The following EPHB1 variants were observed in gnomAD, a reference collection of about 807,000 sequenced individuals.
EPHB1 encodes EPH receptor B1.
EPHB1 carries 30 observed loss-of-function variants against 94.4 expected under a neutral mutation model. That is an observed-to-expected ratio of 0.32 (90% confidence interval 0.24 to 0.43). EPHB1 has a LOEUF of 0.43. Among genes scored for constraint, EPHB1 ranks in the 20% least tolerant of loss-of-function variants. The pLI is 1.00. For synonymous variants in EPHB1, 522 were observed against 489.1 expected (o/e 1.07, Z -0.89); for missense variants, 1,055 against 1,308.3 (o/e 0.81, Z 2.99).
At chr3:135,026,462 A>T (rs1402311491) in intron 3 of EPHB1, among the ~76,000 whole-genome samples, 1 of 149,812 alleles carries the variant, frequency 6.7e-6, no homozygotes, top group Admixed American at 6.6e-5. Flanking sequence ...ACCATTTATT[A>T]AATAGGGAAT....
rs923213088 is a variant in EPHB1, at chr3:135,063,958, G to T, written c.806-42490G>T. ...CTGCATCTATTGAGATGATTATGTG[G>T]TTTTTGTTTTTAATTCTGTTTATGT... On this transcript the variant is annotated intron_variant, in intron 3 of 15. Transcript: ENST00000398015. Among the ~76,000 whole-genome samples, 14 of 151,942 alleles carry T rather than the reference G, an allele frequency of 9.2e-5. No individual in the cohort carries two copies. The East Asian group carries it at 1.2e-3, about 13-fold the overall frequency.
At chr3:134,872,296 C>T (rs6762261) in intron 1 of EPHB1, among the ~76,000 whole-genome samples, 28,596 of 152,154 alleles carry the variant, frequency 0.19, 2,883 homozygotes, top group South Asian at 0.29. Context: ...GTGGTTAACC[C>T]GGACTCTTGT....
intron 1 of EPHB1, among the ~76,000 whole-genome samples, chr3:134,819,911 T>C (rs2036348978): frequency 6.6e-6 from 1 of 152,212 alleles, no homozygotes; most frequent in Non-Finnish European, 1.5e-5. Context: ...TGGACACCTG[T>C]CATGCCAATT....
chr3:135,254,573 C>T (rs1052246981), intron 15 of EPHB1, among the ~76,000 whole-genome samples: 2 of 152,012 alleles, frequency 1.3e-5, no homozygotes, highest in Admixed American at 6.6e-5. Context: ...CCCACTTGAT[C>T]ATGGTGAATA....
chr3:135,159,514 A>C (rs979327265), intron 6 of EPHB1, among the ~76,000 whole-genome samples: 2 of 152,234 alleles, frequency 1.3e-5, no homozygotes, highest in Non-Finnish European at 2.9e-5. Context: ...CTTATTTGCA[A>C]GGTGACTTGG....
At chr3:134,949,200 A>G (rs776476053) in intron 2 of EPHB1, among the ~76,000 whole-genome samples, 3 of 152,154 alleles carry the variant, frequency 2.0e-5, no homozygotes, top group Non-Finnish European at 4.4e-5. Flanking sequence ...GGATACTGGC[A>G]GGAGCTGATC....
chr3:134,951,914 G>A lies in EPHB1; in HGVS notation c.667G>A (p.Gly223Ser). 1 of 1,613,996 alleles carries A rather than the reference G, an allele frequency of 6.2e-7. No homozygotes were observed. Among genetic ancestry groups the A allele is most frequent in the Non-Finnish European group, 8.5e-7 (1 of 1,179,890 alleles). ...GAGCACATCTCTGGTGATTGCTCGGGGCACATGCATCCCCAACGCAGAGGA... is the reference window on the plus strand; with the variant it reads ...GAGCACATCTCTGGTGATTGCTCGGAGCACATGCATCCCCAACGCAGAGGA... ...AESTSLVIAR[G>S]TCIPNAEEVD... Residue 223 changes from glycine (G) to serine (S), a missense_variant, in exon 3 of 16, where the codon GGC (glycine) becomes AGC (serine). By Grantham distance (56) the Gly-to-Ser change is moderately conservative (BLOSUM62 0). Transcript: ENST00000398015. This position sits in a 1 kb window ranked among gnomAD's most constrained non-coding sequence, Gnocchi z 4.5.
intron 1 of EPHB1, among the ~76,000 whole-genome samples, chr3:134,798,638 G>A (rs759079158): frequency 1.3e-4 from 20 of 152,190 alleles, no homozygotes; most frequent in Non-Finnish European, 2.2e-4. Context: ...TGGACACAAA[G>A]CCAGGCCTCT....
intron 3 of EPHB1, among the ~76,000 whole-genome samples, chr3:135,031,044 C>T (rs542710587): frequency 9.9e-5 from 15 of 152,172 alleles, no homozygotes; most frequent in Admixed American, 2.0e-4. Context: ...TGACCCCTTG[C>T]GCTTCCCGAG....
rs770245253 is a variant in EPHB1, at chr3:135,165,983, A to G, written c.1601A>G (p.Glu534Gly). The G allele has an allele frequency of 6.2e-7, 1 of 1,613,946 alleles. No individual in the cohort carries two copies. The highest frequency in any genetic ancestry group is 1.7e-5 in the Admixed American group (1 of 60,028). ...TCTCACCTAGATGATTACAAGTCAG[A>G]GCTGAGGGAGCAGCTGCCCCTGATT... ...QTLTDDDYKS[E>G]LREQLPLIAG... is the part of the protein sequence containing the mutation. Residue 534 changes from glutamate to glycine, a missense_variant, in exon 8 of 16, where the codon GAG becomes GGG. Coordinates refer to ENST00000398015, the MANE Select transcript of EPHB1 (RefSeq NM_004441.5).
intron 2 of EPHB1, among the ~76,000 whole-genome samples, chr3:134,948,885 G>A (rs551605365): frequency 2.0e-5 from 3 of 152,370 alleles, no homozygotes; most frequent in Non-Finnish European, 2.9e-5. Context: ...ATCTAATTAA[G>A]TGAGGGGATT....
chr3:135,059,116 G>A (rs947931149), intron 3 of EPHB1, among the ~76,000 whole-genome samples: 1 of 152,226 alleles, frequency 6.6e-6, no homozygotes, highest in African/African-American at 2.4e-5. Context: ...ATATCAAGTT[G>A]ATCCCCGATG....
chr3:134,861,402 T>G (rs1047198160), intron 1 of EPHB1, among the ~76,000 whole-genome samples: 1 of 151,850 alleles, frequency 6.6e-6, no homozygotes, highest in African/African-American at 2.4e-5. Context: ...GGACTCCACA[T>G]TTTGGGGGAT....
At chr3:135,004,174 C>A (rs1339667978) in intron 3 of EPHB1, among the ~76,000 whole-genome samples, 2 of 151,746 alleles carry the variant, frequency 1.3e-5, no homozygotes, top group South Asian at 4.2e-4. Flanking sequence ...AATCTCTCAG[C>A]ATTTGCTTGT....
intron 3 of EPHB1, among the ~76,000 whole-genome samples, chr3:134,999,407 A>G (rs16842467): frequency 0.021 from 3,266 of 152,280 alleles, 123 homozygotes; most frequent in African/African-American, 0.072. Flanking sequence ...AAGAGGATAA[A>G]ATCAGATATG....
intron 3 of EPHB1, among the ~76,000 whole-genome samples, chr3:134,988,544 A>T (rs1934683910): frequency 6.6e-6 from 1 of 152,192 alleles, no homozygotes; most frequent in Non-Finnish European, 1.5e-5. Flanking sequence ...ACAGTAAATG[A>T]ATGCACCATT....
rs749862417 is a variant in EPHB1 at position 135,073,370 on chromosome 3, A to T, written c.806-33078A>T. ...AACATATTTATAATGGAAAATTTCA[A>T]GCACATGCAAAAGTAGAGAGAGTTG... is the stretch of plus-strand genomic sequence containing the variant. On this transcript the variant is annotated intron_variant, in intron 3 of 15. Transcript: ENST00000398015. Among the ~76,000 whole-genome samples, 4 of 152,220 alleles carry T rather than the reference A, an allele frequency of 2.6e-5. No homozygotes were observed. In the South Asian group the frequency reaches 8.3e-4, roughly 32 times the overall value.
intron 1 of EPHB1, among the ~76,000 whole-genome samples, chr3:134,827,869 T>A (rs928297583): frequency 6.6e-6 from 1 of 152,160 alleles, no homozygotes; most frequent in African/African-American, 2.4e-5. Context: ...TTCATTCACA[T>A]CCCTTGCATT....
At chr3:135,229,307 G>A (rs1460193466) in intron 12 of EPHB1, among the ~76,000 whole-genome samples, 1 of 152,226 alleles carries the variant, frequency 6.6e-6, no homozygotes, top group Non-Finnish European at 1.5e-5. Flanking sequence ...CGGTAAGACA[G>A]AGTGTTTAAG....
Sources: gnomAD v4.1 joint callset for allele counts (sites outside exome capture counted in the v4.1 genomes callset) on GRCh38, gnomAD v4.1.1 for gene constraint, Gnocchi (gnomAD v3.1) non-coding constraint, MANE v1.5 for transcripts, NCBI Gene and HGNC (gene_info 2026-07-23, HGNC 2026-07-21) for gene names.